TBC1D22A: variants seen among roughly 807,000 people sequenced by gnomAD.
TBC1D22A encodes the protein putative GTPase activator.
TBC1D22A carries 38 observed loss-of-function variants against 60.2 expected under a neutral mutation model. That is an observed-to-expected ratio of 0.63 (90% CI 0.49 to 0.83). The LOEUF (loss-of-function observed/expected upper bound fraction) is 0.83. Among genes scored for constraint, TBC1D22A ranks in the 40% least tolerant of loss-of-function variants. The pLI, the probability that TBC1D22A is intolerant of heterozygous loss-of-function variation, is 0.00. For synonymous variants in TBC1D22A, 302 were observed against 281.7 expected, an observed-to-expected ratio of 1.07 and a Z score of -0.72; for missense variants, 628 against 701.0, an observed-to-expected ratio of 0.90 and a Z score of 1.18.
intron 4 of TBC1D22A, among the ~76,000 whole-genome samples, chr22:46,833,353 C>G (rs1473182971): frequency 1.3e-5 from 2 of 152,200 alleles, no homozygotes; most frequent in African/African-American, 4.8e-5. Context: ...CTCAATTAGA[C>G]CAGCTCATGG....
intron 10 of TBC1D22A, among the ~76,000 whole-genome samples, chr22:47,015,328 G>A (rs969564572): frequency 1.3e-5 from 2 of 152,200 alleles, no homozygotes; most frequent in Admixed American, 6.5e-5. Context: ...TGGGGAGGGC[G>A]GCTCGCTTTA....
intron 9 of TBC1D22A, among the ~76,000 whole-genome samples, chr22:46,978,467 A>C (rs1204913556): frequency 6.6e-6 from 1 of 152,248 alleles, no homozygotes; most frequent in Non-Finnish European, 1.5e-5. Context: ...ATTTTTGTAA[A>C]TCTCCTTAAT....
chr22:47,057,208 T>C (rs1349588679), intron 11 of TBC1D22A, among the ~76,000 whole-genome samples: 5 of 152,136 alleles, frequency 3.3e-5, no homozygotes, highest in African/African-American at 4.8e-5. Context: ...CTCAGTCAGG[T>C]TGAGGCTGCC....
At chr22:47,024,656 C>T (rs2062194178) in intron 10 of TBC1D22A, among the ~76,000 whole-genome samples, 1 of 152,098 alleles carries the variant, frequency 6.6e-6, no homozygotes, top group South Asian at 2.1e-4. Context: ...GAGTTTGGAA[C>T]CAGCCTGGGC....
chr22:46,867,948 A>G (rs528729655), intron 4 of TBC1D22A, among the ~76,000 whole-genome samples: 1 of 152,334 alleles, frequency 6.6e-6, no homozygotes, highest in South Asian at 2.1e-4. Context: ...TCTCACTGAG[A>G]AAACAAAAAC....
intron 4 of TBC1D22A, among the ~76,000 whole-genome samples, chr22:46,835,425 T>G (rs1348497380): frequency 6.6e-6 from 1 of 152,148 alleles, no homozygotes; most frequent in East Asian, 1.9e-4. Flanking sequence ...AAACAAATTC[T>G]GGAGCTGAAG....
At chr22:47,015,111 G>T (rs111540471) in intron 10 of TBC1D22A, among the ~76,000 whole-genome samples, 75 of 152,372 alleles carry the variant, frequency 4.9e-4, no homozygotes, top group African/African-American at 1.8e-3. Flanking sequence ...ACGCAGCAGG[G>T]TGTTTTGGGG....
At chr22:47,041,335 G>A (rs1183155349) in intron 11 of TBC1D22A, among the ~76,000 whole-genome samples, 5 of 152,166 alleles carry the variant, frequency 3.3e-5, no homozygotes, top group Non-Finnish European at 2.9e-5. Flanking sequence ...CCTGGGCTTC[G>A]GATCTGGTCA....
intron 7 of TBC1D22A, among the ~76,000 whole-genome samples, chr22:46,906,073 C>T (rs985633222): frequency 6.6e-6 from 1 of 152,134 alleles, no homozygotes; most frequent in African/African-American, 2.4e-5. Context: ...GACCTGCGAC[C>T]TGCGTTTGGC....
chr22:46,787,415 C>T (rs887799864), intron 1 of TBC1D22A, among the ~76,000 whole-genome samples: 1 of 152,172 alleles, frequency 6.6e-6, no homozygotes, highest in African/African-American at 2.4e-5. Flanking sequence ...CATGTGGCGG[C>T]TCCTGCGTCT....
intron 11 of TBC1D22A, among the ~76,000 whole-genome samples, chr22:47,080,624 A>AATAT (rs1017686404): frequency 8.5e-5 from 10 of 117,306 alleles, no homozygotes; most frequent in African/African-American, 2.6e-4. Context: ...TACCTGTAAA[A>AATAT]ATATATATAT....
At chr22:46,957,436 C>T (rs2148036773) in intron 8 of TBC1D22A, among the ~76,000 whole-genome samples, 1 of 152,324 alleles carries the variant, frequency 6.6e-6, no homozygotes, top group African/African-American at 2.4e-5. Context: ...CACAAGGCAG[C>T]AGGAGAGAGT....
intron 4 of TBC1D22A, among the ~76,000 whole-genome samples, chr22:46,868,413 A>C (rs1278508322): frequency 6.6e-6 from 1 of 152,238 alleles, no homozygotes; most frequent in Non-Finnish European, 1.5e-5. Flanking sequence ...TTTTGTGTTT[A>C]GATTTAGGTC....
Position 47,001,398 on chromosome 22 carries a change from C to T in TBC1D22A, c.1201+3689C>T, listed in dbSNP as rs111304036. On this transcript the variant is annotated intron_variant, in intron 10 of 12. Transcript: ENST00000337137. ...GGCGGAGGTTGCAGTGAGCCGAGAT[C>T]GCGCCATTGTACTCCCGCCCGGGCA... Among the ~76,000 whole-genome samples the T allele has an allele frequency of 3.1e-3, 435 of 140,984 alleles. 2 individuals are homozygous for T. The highest frequency in any genetic ancestry group is 0.011 in the African/African-American group (418 of 37,290). 92.5% of individuals were successfully genotyped at this position (140,984 alleles called of 152,430 possible). A position where few individuals can be genotyped will look rare whatever the true frequency, so the allele number is the denominator to read the frequency against.
At chr22:47,165,636 C>G (rs1045707022) in intron 12 of TBC1D22A, among the ~76,000 whole-genome samples, 21 of 152,146 alleles carry the variant, frequency 1.4e-4, no homozygotes. Flanking sequence ...GCCGGGCTTG[C>G]TGCATGCCTC....
intron 11 of TBC1D22A, among the ~76,000 whole-genome samples, chr22:47,068,976 T>C (rs192519071): frequency 1.3e-5 from 2 of 152,344 alleles, no homozygotes; most frequent in Non-Finnish European, 2.9e-5. Context: ...TTTGTGACTC[T>C]ACGTTTTTTT....
chr22:46,924,040 G>A (rs775950542), intron 8 of TBC1D22A, among the ~76,000 whole-genome samples: 1 of 152,312 alleles, frequency 6.6e-6, no homozygotes, highest in East Asian at 1.9e-4. Flanking sequence ...GAATTAAGGA[G>A]CATTGTTCCA....
Position 46,984,021 on chromosome 22 carries a change from C to A in TBC1D22A, c.1125+9622C>A, listed in dbSNP as rs551872493. On this transcript the variant is annotated intron_variant, in intron 9 of 12. Transcript: ENST00000337137. Reference sequence around the variant, plus strand: ...GGCAGTGGAAGCTGCTGACCTAGTGCTATTTCAGCCCCTCCCTCTCTCTGG... The same window carrying A: ...GGCAGTGGAAGCTGCTGACCTAGTGATATTTCAGCCCCTCCCTCTCTCTGG... 8.5e-5 allele frequency among the ~76,000 whole-genome samples: 13 copies of A among 152,156 alleles called. No individual in the cohort carries two copies. The South Asian group carries it at 2.7e-3, about 32-fold the overall frequency.
At chr22:46,766,876 T>C (rs1224478440) in intron 1 of TBC1D22A, among the ~76,000 whole-genome samples, 1 of 152,136 alleles carries the variant, frequency 6.6e-6, no homozygotes, top group Non-Finnish European at 1.5e-5. Context: ...AAAGTCCCCC[T>C]TTTTTGCATC....
Sources: allele counts gnomAD v4.1 joint callset (sites outside exome capture counted in the v4.1 genomes callset), GRCh38; gene constraint gnomAD v4.1.1; transcripts MANE v1.5; gene names NCBI Gene and HGNC (gene_info 2026-07-23, HGNC 2026-07-21).